STARD3NL: variants seen among roughly 807,000 people sequenced by gnomAD.
The protein encoded by STARD3NL is STARD3 N-terminal like, also known as STARD3 N-terminal-like protein.
Under a neutral mutation model 30.9 loss-of-function variants are expected in STARD3NL, and 17 were observed. The observed-to-expected ratio is 0.55, with a 90% CI of 0.38 to 0.82. STARD3NL has a LOEUF of 0.82. STARD3NL is among the 40% of genes least tolerant of loss of function. STARD3NL has a pLI of 0.00. For missense variants in STARD3NL, 234 were observed against 277.6 expected (o/e 0.84, Z 1.12); for synonymous variants, 112 against 100.5 (o/e 1.11, Z -0.69).
chr7:38,200,404 C>T (rs1369064817), intron 1 of STARD3NL, among the ~76,000 whole-genome samples: 1 of 151,950 alleles, frequency 6.6e-6, no homozygotes, highest in Non-Finnish European at 1.5e-5. Flanking sequence ...ATTTTTAATT[C>T]TCATTTAACC....
intron 7 of STARD3NL, among the ~76,000 whole-genome samples, chr7:38,223,789 A>C (rs1251034287): frequency 6.6e-6 from 1 of 152,200 alleles, no homozygotes; most frequent in African/African-American, 2.4e-5. Flanking sequence ...AATTATATTG[A>C]CTTTTTAAAA....
At position 38,230,266 on chromosome 7, in the gene STARD3NL, A is replaced by G. The variant is rs957824303; in HGVS notation, c.*361A>G. ...GTAAGCAAGATACCTTTTTATTTCA[A>G]TTCACAGAATGGAATTTTTTTGTTT... is the stretch of plus-strand genomic sequence containing the variant. On this transcript the variant is annotated 3_prime_UTR_variant, in exon 9 of 9. Transcript: ENST00000009041. 8 of 152,674 alleles carry G rather than the reference A, an allele frequency of 5.2e-5. No individual in the cohort carries two copies. The highest frequency in any genetic ancestry group is 2.6e-4 in the Admixed American group (4 of 15,282). 9.5% of individuals were successfully genotyped at this position (152,674 alleles called of 1,614,324 possible).
At chr7:38,180,888 A>G (rs1784218263) in intron 1 of STARD3NL, among the ~76,000 whole-genome samples, 1 of 152,120 alleles carries the variant, frequency 6.6e-6, no homozygotes, top group African/African-American at 2.4e-5. Context: ...ACTTCTATCA[A>G]ATTTTCACCC....
intron 4 of STARD3NL, 121 bp downstream of exon 4, chr7:38,215,226 C>T: frequency 3.5e-6 from 3 of 864,928 alleles, no homozygotes; most frequent in Non-Finnish European, 5.5e-6. Context: ...ACCAGCTTTC[C>T]TGAGTCCCGT....
chr7:38,217,899 G>A lies in STARD3NL; in HGVS notation c.553+594G>A, dbSNP rs111513156. Among the ~76,000 whole-genome samples the A allele has an allele frequency of 2.3e-3, 357 of 152,250 alleles. 2 individuals carry two copies. The highest frequency in any genetic ancestry group is 8.3e-3 in the African/African-American group (343 of 41,542). ...GAGGATGACAGCAAGCCAGAGCGACGCTCAGCCTTTCACCATCCTCTGAGT... is the reference window on the plus strand; with the variant it reads ...GAGGATGACAGCAAGCCAGAGCGACACTCAGCCTTTCACCATCCTCTGAGT... On this transcript the variant is annotated intron_variant, in intron 6 of 8. Transcript: ENST00000009041.
At chr7:38,194,383 G>T (rs1433625587) in intron 1 of STARD3NL, among the ~76,000 whole-genome samples, 1 of 151,930 alleles carries the variant, frequency 6.6e-6, no homozygotes, top group Non-Finnish European at 1.5e-5. Flanking sequence ...CACTCCCCAG[G>T]TTGCAACAGT....
intron 1 of STARD3NL, among the ~76,000 whole-genome samples, chr7:38,205,098 T>G (rs1412920322): frequency 6.6e-6 from 1 of 152,096 alleles, no homozygotes; most frequent in African/African-American, 2.4e-5. Flanking sequence ...ACTATTCCAA[T>G]CAATAGAAAA....
chr7:38,224,959 G>A (rs995183106), intron 7 of STARD3NL, among the ~76,000 whole-genome samples: 1 of 152,094 alleles, frequency 6.6e-6, no homozygotes, highest in Non-Finnish European at 1.5e-5. Flanking sequence ...AGGTATCCAG[G>A]GATAAGGGAG....
chr7:38,222,901 A>G (rs1786548385), intron 7 of STARD3NL, among the ~76,000 whole-genome samples: 1 of 152,086 alleles, frequency 6.6e-6, no homozygotes, highest in Non-Finnish European at 1.5e-5. Context: ...TGGAATTAAT[A>G]TGCCTAGAAA....
At chr7:38,224,660 C>A (rs1301209088) in intron 7 of STARD3NL, among the ~76,000 whole-genome samples, 1 of 152,098 alleles carries the variant, frequency 6.6e-6, no homozygotes, top group East Asian at 1.9e-4. Context: ...CACTTAGGAG[C>A]CATCCAGGTT....
chr7:38,229,873 G>A (rs1321519001), intron 8 of STARD3NL, 50 bp from the exon 9 acceptor site: 2 of 94,926 alleles, frequency 2.1e-5, no homozygotes, highest in African/African-American at 7.7e-5. Context: ...GTGGCATTTT[G>A]CCTTTTAATG....
At chr7:38,192,280 G>C (rs767008235) in intron 1 of STARD3NL, among the ~76,000 whole-genome samples, 2 of 142,234 alleles carry the variant, frequency 1.4e-5, no homozygotes, top group Non-Finnish European at 3.1e-5. Context: ...TGTTAACAAA[G>C]TTTTGTTGTT....
At chr7:38,227,955 A>G (rs1267888137) in intron 7 of STARD3NL, among the ~76,000 whole-genome samples, 1 of 152,166 alleles carries the variant, frequency 6.6e-6, no homozygotes, top group East Asian at 1.9e-4. Context: ...AATATCCAGA[A>G]AAATATATAA....
intron 1 of STARD3NL, among the ~76,000 whole-genome samples, chr7:38,205,409 CTGTG>C (rs1785404888): frequency 6.6e-6 from 1 of 152,118 alleles, no homozygotes; most frequent in Admixed American, 6.6e-5. Flanking sequence ...CATACTGTGT[CTGTG>C]TGTATTCCAT....
intron 7 of STARD3NL, among the ~76,000 whole-genome samples, chr7:38,224,004 G>A (rs1786613768): frequency 6.6e-6 from 1 of 152,066 alleles, no homozygotes; most frequent in Admixed American, 6.6e-5. Context: ...GATCTTCTTT[G>A]TATCTTGACA....
chr7:38,200,059 T>G (rs890228629), intron 1 of STARD3NL, among the ~76,000 whole-genome samples: 1 of 152,088 alleles, frequency 6.6e-6, no homozygotes, highest in African/African-American at 2.4e-5. Flanking sequence ...CCCTCAAGAC[T>G]CGAATGAAAT....
At chr7:38,206,946 T>C (rs1399394549) in intron 1 of STARD3NL, among the ~76,000 whole-genome samples, 2 of 152,202 alleles carry the variant, frequency 1.3e-5, no homozygotes, top group Non-Finnish European at 2.9e-5. Flanking sequence ...TTTTCTTTTT[T>C]CTTTTTTGTA....
At chr7:38,199,754 C>T (rs904827529) in intron 1 of STARD3NL, among the ~76,000 whole-genome samples, 43 of 152,198 alleles carry the variant, frequency 2.8e-4, no homozygotes, top group African/African-American at 1.0e-3. Context: ...AGGAATGATC[C>T]TTCTCTTTAC....
intron 1 of STARD3NL, among the ~76,000 whole-genome samples, chr7:38,194,095 T>C (rs1056195430): frequency 3.3e-5 from 5 of 152,168 alleles, no homozygotes; most frequent in African/African-American, 1.2e-4. Context: ...GTTTATTCTA[T>C]TCAGGTCATT....
Sources: gnomAD v4.1 joint callset for allele counts (sites outside exome capture counted in the v4.1 genomes callset) on GRCh38, gnomAD v4.1.1 for gene constraint, MANE v1.5 for transcripts, NCBI Gene and HGNC (gene_info 2026-07-23, HGNC 2026-07-21) for gene names.